The following PRKAG3 variants were observed in gnomAD, a reference collection of about 807,000 sequenced individuals.
The protein encoded by PRKAG3 is 5'-AMP-activated protein kinase subunit gamma-3.
In PRKAG3, 39 loss-of-function variants were observed where a neutral mutation model predicts 56.5. That is an observed-to-expected ratio of 0.69 (90% CI 0.53 to 0.90). The LOEUF (loss-of-function observed/expected upper bound fraction) is 0.90. PRKAG3 is among the 40% of genes least tolerant of loss of function. PRKAG3 has a pLI of 0.00. For synonymous variants in PRKAG3, 243 were observed against 250.1 expected (o/e 0.97, Z 0.27); for missense variants, 628 against 627.5 (o/e 1.00, Z -0.01).
chr2:218,829,888 C>G lies in PRKAG3; in HGVS notation c.633+90G>C, dbSNP rs892905462. ...TCAGGGGGCTTGCAGGGGCACCTGG[C>G]TCAGCAGGGCATCCTGCAGGGTGGG... On this transcript the variant is annotated intron_variant, in intron 4 of 12. Transcript: ENST00000529249. 19 of 1,539,430 alleles carry G rather than the reference C, an allele frequency of 1.2e-5. No homozygotes were observed. In the African/African-American group the frequency reaches 2.5e-4, roughly 20 times the overall value.
chr2:218,828,733 C>T (rs952443645), intron 4 of PRKAG3, 133 bp from the exon 5 acceptor site: 24 of 651,898 alleles, frequency 3.7e-5, no homozygotes, highest in Non-Finnish European at 5.7e-5. Flanking sequence ...ATGGGGCCTT[C>T]TCCTGGACCC....
chr2:218,828,019 G>A (rs1004885838), exon 6 of PRKAG3: 7 of 1,570,654 alleles, frequency 4.5e-6, no homozygotes, highest in Non-Finnish European at 5.2e-6. Context: ...GGGACCTGTA[G>A]TAGCGATGCA....
In PRKAG3 at chr2:218,827,540, G is replaced by C; in HGVS notation, c.875+35C>G. The C allele has an allele frequency of 6.2e-7, 1 of 1,609,244 alleles. No individual in the cohort carries two copies. The highest frequency in any genetic ancestry group is 1.1e-5 in the South Asian group (1 of 90,902). Reference sequence around the variant, plus strand: ...GGGACTGGGGAAGGGGACTGTGGGAGGAGGAGGCTCAGGTGAATGAGCAGA... The same window carrying C: ...GGGACTGGGGAAGGGGACTGTGGGACGAGGAGGCTCAGGTGAATGAGCAGA... On this transcript the variant is annotated intron_variant, in intron 8 of 12. Coordinates refer to ENST00000529249, the Ensembl canonical transcript of PRKAG3. This position sits in a 1 kb window ranked among gnomAD's most constrained non-coding sequence, Gnocchi z 5.3.
intron 2 of PRKAG3, 148 bp downstream of exon 2, chr2:218,831,188 C>A: frequency 2.8e-6 from 2 of 720,998 alleles, no homozygotes; most frequent in East Asian, 2.7e-5. Flanking sequence ...GGGAAACACA[C>A]CTGGGGAAAG....
intron 3 of PRKAG3, 66 bp from the exon 4 acceptor site, chr2:218,830,447 C>T (rs749560016): frequency 3.3e-5 from 50 of 1,535,248 alleles, no homozygotes; most frequent in South Asian, 1.5e-4. Flanking sequence ...CATCTGCTGT[C>T]GCCATTCATC....
intron 4 of PRKAG3, among the ~76,000 whole-genome samples, chr2:218,829,619 C>T (rs1032116881): frequency 1.3e-5 from 2 of 152,088 alleles, no homozygotes; most frequent in African/African-American, 4.8e-5. Flanking sequence ...AGCCACCGTG[C>T]CCGGCCTCTG....
At chr2:218,822,920 G>A, downstream of PRKAG3, 1 of 985,582 alleles carries the variant, frequency 1.0e-6, no homozygotes, top group South Asian at 4.7e-5. Context: ...ATGGAGCACA[G>A]ATGGCCCTGG....
chr2:218,826,546 G>A (rs529613480), intron 10 of PRKAG3: 28 of 298,144 alleles, frequency 9.4e-5, no homozygotes, highest in East Asian at 8.1e-5. Context: ...GGCCTCAAGC[G>A]ACCTTCTCGC....
At chr2:218,824,718 G>C (rs1406890216) in intron 10 of PRKAG3, 142 bp from the exon 11 acceptor site, 2 of 749,274 alleles carry the variant, frequency 2.7e-6, no homozygotes, top group Admixed American at 2.0e-5. Context: ...TAGCATCCCA[G>C]AGTGAGACAG....
intron 10 of PRKAG3, 69 bp from the exon 11 acceptor site, chr2:218,824,645 C>T (rs1487341202): frequency 7.1e-7 from 1 of 1,413,796 alleles, no homozygotes; most frequent in Non-Finnish European, 1.0e-6. Flanking sequence ...AACCGGGGTG[C>T]TGTGTAGAGG....
chr2:218,830,917 G>A lies in PRKAG3; in HGVS notation c.74-16C>T. 7.4e-6 allele frequency: 12 copies of A among 1,612,832 alleles called. No homozygotes were observed. Among genetic ancestry groups the A allele is most frequent in the Non-Finnish European group, 1.0e-5 (12 of 1,179,566 alleles). ...AAGCTCATCTCTGGAAGGGGAATGG[G>A]GCCTGTTTGGTTAATAGGGAGTAAT... On this transcript the variant is annotated splice_polypyrimidine_tract_variant and intron_variant, in intron 2 of 12. Coordinates refer to ENST00000529249, the Ensembl canonical transcript of PRKAG3.
Position 218,827,474 on chromosome 2 carries a change from T to G in PRKAG3, c.875+101A>C. On this transcript the variant is annotated intron_variant, in intron 8 of 12. Transcript: ENST00000529249. This position sits in a 1 kb window ranked among gnomAD's most constrained non-coding sequence, Gnocchi z 5.3. ...GGCAGGGCACCAAGGCTCCCTTGTC[T>G]GTGTGCCGCCTAGGATGAAGAGGTG... The G allele has an allele frequency of 6.2e-7, 1 of 1,602,870 alleles. No individual in the cohort carries two copies. The highest frequency in any genetic ancestry group is 8.5e-7 in the Non-Finnish European group (1 of 1,170,228).
At position 218,831,696 on chromosome 2, in the gene PRKAG3, G is replaced by A. The variant is rs1156228940; in HGVS notation, c.33+42C>T. The A allele has an allele frequency of 5.6e-6, 9 of 1,599,344 alleles. No individual in the cohort carries two copies. In the Admixed American group the frequency reaches 1.6e-4, roughly 28 times the overall value. On this transcript the variant is annotated intron_variant, in intron 1 of 12. Transcript: ENST00000529249. ...CACAGCCCGTGCGCTCAATCTTCTG[G>A]CCTCAGCTGCCCCGGCTCCGGCTCC...
exon 12 of PRKAG3, chr2:218,824,233 C>A: frequency 3.1e-6 from 5 of 1,614,102 alleles, no homozygotes; most frequent in Non-Finnish European, 4.2e-6. Context: ...TGCTCCCGAG[C>A]AATCCTGTCG....
rs927154580 is a variant in PRKAG3, at chr2:218,830,306, G to T, written c.305C>A (p.Ala102Asp). The T allele has an allele frequency of 3.1e-5, 50 of 1,613,072 alleles. No homozygotes were observed. The highest frequency in any genetic ancestry group is 4.2e-5 in the Non-Finnish European group (49 of 1,179,574). Reference sequence around the variant, plus strand: ...TGGAGTGCCCACCCCGGCAGGATCAGCTTGAGCCAAGGGTGTGGTCTTGGG... The same window carrying T: ...TGGAGTGCCCACCCCGGCAGGATCATCTTGAGCCAAGGGTGTGGTCTTGGG... Residue 102 changes from alanine to aspartate, a missense_variant, in exon 4 of 13, where the codon GCT becomes GAT. By Grantham distance (126) the Ala-to-Asp change is moderately radical. Coordinates refer to ENST00000529249, the Ensembl canonical transcript of PRKAG3.
In PRKAG3 at chr2:218,827,203, C is replaced by T. The variant is rs1472312350; in HGVS notation, c.1002+44G>A. ...GAAGACTCCTCAGGCCCTCTGATCA[C>T]CTGCCCAGGTCTCCCCCTTCCTCCC... On this transcript the variant is annotated intron_variant, in intron 9 of 12. Coordinates refer to ENST00000529249, the Ensembl canonical transcript of PRKAG3. This position sits in a 1 kb window ranked among gnomAD's most constrained non-coding sequence, Gnocchi z 5.3. 1 of 1,613,968 alleles carries T rather than the reference C, an allele frequency of 6.2e-7. No homozygotes were observed. Among genetic ancestry groups the T allele is most frequent in the Non-Finnish European group, 8.5e-7 (1 of 1,179,946 alleles).
intron 10 of PRKAG3, 49 bp downstream of exon 10, chr2:218,826,879 T>C (rs920570324): frequency 1.2e-6 from 2 of 1,608,652 alleles, no homozygotes; most frequent in Non-Finnish European, 1.7e-6. Flanking sequence ...CCCACCAGGT[T>C]CTCCCAGGCC....
chr2:218,824,410 C>T, intron 11 of PRKAG3, 42 bp from the exon 12 acceptor site: 1 of 1,613,944 alleles, frequency 6.2e-7, no homozygotes, highest in Middle Eastern at 1.7e-4. Context: ...CACCCCCTTG[C>T]CTGGGCTCCT....
rs370690132 is a variant in PRKAG3 at position 218,826,992 on chromosome 2, G to A, written c.1104C>T (p.Ile368=). 8 of 1,614,086 alleles carry A rather than the reference G, an allele frequency of 5.0e-6. No homozygotes were observed. In the African/African-American group the frequency reaches 9.3e-5, roughly 19 times the overall value. ...CCACAAAGATGTCCAGTGCAGTCAG[G>A]ATGGGTGCTGTCTCCAGCACCACAG... Residue 368 remains isoleucine (I), a synonymous_variant, in exon 10 of 13, where the codon ATC becomes ATT. Coordinates refer to ENST00000529249, the Ensembl canonical transcript of PRKAG3.
Sources: allele counts gnomAD v4.1 joint callset (sites outside exome capture counted in the v4.1 genomes callset), GRCh38; gene constraint gnomAD v4.1.1; non-coding constraint Gnocchi (gnomAD v3.1); transcripts MANE v1.5; gene names NCBI Gene and HGNC (gene_info 2026-07-23, HGNC 2026-07-21).